The following IGSF21 variants were observed in gnomAD, a reference collection of about 807,000 sequenced individuals.
IGSF21 encodes immunoglobin superfamily member 21, also known as immunoglobulin superfamily member 21.
In IGSF21, 28 loss-of-function variants were observed where a neutral mutation model predicts 46.8. The ratio of observed to expected loss-of-function variants is 0.60; its 90% confidence interval spans 0.44 to 0.82. The LOEUF is 0.82. Among genes scored for constraint, IGSF21 ranks in the 40% least tolerant of loss-of-function variants. The pLI is 0.00. For synonymous variants in IGSF21, 284 were observed against 273.6 expected (o/e 1.04, Z -0.38); for missense variants, 624 against 665.5 (o/e 0.94, Z 0.69).
At chr1:18,287,717 A>C (rs925594356) in intron 2 of IGSF21, among the ~76,000 whole-genome samples, 1 of 152,108 alleles carries the variant, frequency 6.6e-6, no homozygotes, top group Non-Finnish European at 1.5e-5. Flanking sequence ...GTACTCACTC[A>C]GGGCATCCCT....
chr1:18,140,564 C>T (rs2086406722), intron 1 of IGSF21, among the ~76,000 whole-genome samples: 2 of 152,238 alleles, frequency 1.3e-5, no homozygotes, highest in Non-Finnish European at 2.9e-5. Context: ...GGCACTCCCA[C>T]ATCGTGGCTC....
intron 3 of IGSF21, among the ~76,000 whole-genome samples, chr1:18,304,157 G>A (rs2085388880): frequency 6.6e-6 from 1 of 152,184 alleles, no homozygotes; most frequent in South Asian, 2.1e-4. Context: ...GGCCCCTAGG[G>A]CCATAGCCAT....
chr1:18,184,268 A>G (rs1198347237), intron 1 of IGSF21, among the ~76,000 whole-genome samples: 2 of 151,940 alleles, frequency 1.3e-5, no homozygotes, highest in East Asian at 1.9e-4. Context: ...AGATATTCCA[A>G]TTTCCTCTTT....
chr1:18,332,423 C>A (rs1190070181), intron 3 of IGSF21, among the ~76,000 whole-genome samples: 1 of 152,174 alleles, frequency 6.6e-6, no homozygotes, highest in Non-Finnish European at 1.5e-5. Context: ...ATGAGTGTCA[C>A]CAAGTGCAAA....
intron 3 of IGSF21, among the ~76,000 whole-genome samples, chr1:18,319,718 CT>C (rs1354911672): frequency 2.0e-5 from 3 of 152,222 alleles, no homozygotes; most frequent in Non-Finnish European, 4.4e-5. Context: ...TGTTACTTGT[CT>C]CCCCTTTGTC....
intron 2 of IGSF21, among the ~76,000 whole-genome samples, chr1:18,263,667 C>T (rs865911113): frequency 1.3e-5 from 2 of 152,162 alleles, no homozygotes; most frequent in South Asian, 2.1e-4. Flanking sequence ...GGCAGCATCA[C>T]CCAGAGCGGT....
chr1:18,161,580 A>G (rs2086623576), intron 1 of IGSF21, among the ~76,000 whole-genome samples: 2 of 152,142 alleles, frequency 1.3e-5, no homozygotes, highest in South Asian at 2.1e-4. Flanking sequence ...CCCACCGGTG[A>G]CAGGAGAACA....
chr1:18,128,464 G>A (rs1355496118), intron 1 of IGSF21, among the ~76,000 whole-genome samples: 1 of 152,154 alleles, frequency 6.6e-6, no homozygotes, highest in East Asian at 1.9e-4. Flanking sequence ...CCTGGATGGG[G>A]CCTTCTCTGG....
At chr1:18,326,733 C>T (rs7540239) in intron 3 of IGSF21, among the ~76,000 whole-genome samples, 57 of 152,310 alleles carry the variant, frequency 3.7e-4, no homozygotes, top group African/African-American at 1.3e-3. Context: ...CTCCATCTGT[C>T]CCTCCCTTCC....
In IGSF21 at chr1:18,290,209, A is replaced by T. The variant is rs2085252159; in HGVS notation, c.184-1657A>T. ...GTCCTCCTCATCTTCCTCCACTCTC[A>T]TGGTCCCGTTTCAGAAGCTGGGCCT... is the stretch of plus-strand genomic sequence containing the variant. On this transcript the variant is annotated intron_variant, in intron 2 of 9. Transcript: ENST00000251296. This position sits in a 1 kb window ranked among gnomAD's most constrained non-coding sequence, Gnocchi z 4.2. Among the ~76,000 whole-genome samples the T allele has an allele frequency of 1.3e-5, 2 of 152,022 alleles. No homozygotes were observed. The highest frequency in any genetic ancestry group is 4.8e-5 in the African/African-American group (2 of 41,396).
chr1:18,114,220 G>T (rs2086166755), intron 1 of IGSF21: 1 of 152,118 alleles, frequency 6.6e-6, no homozygotes, highest in Non-Finnish European at 1.5e-5. Flanking sequence ...GACTCAAGTT[G>T]TTCCCCGCTA....
intron 3 of IGSF21, among the ~76,000 whole-genome samples, chr1:18,323,412 A>C (rs557353351): frequency 6.6e-6 from 1 of 152,334 alleles, no homozygotes; most frequent in East Asian, 1.9e-4. Flanking sequence ...CCACCCGTCC[A>C]GCACCAAAAG....
At chr1:18,121,123 G>A (rs2086230533) in intron 1 of IGSF21, among the ~76,000 whole-genome samples, 1 of 152,158 alleles carries the variant, frequency 6.6e-6, no homozygotes, top group Non-Finnish European at 1.5e-5. Flanking sequence ...CAAATGGAAG[G>A]CAGGTACTCT....
chr1:18,204,678 G>A (rs1186313556), intron 1 of IGSF21, among the ~76,000 whole-genome samples: 3 of 152,132 alleles, frequency 2.0e-5, no homozygotes, highest in South Asian at 2.1e-4. Flanking sequence ...ATCTCCCTTG[G>A]AGCATGACAG....
rs150371175 is a variant in IGSF21 at position 18,197,030 on chromosome 1, T to G, written c.71-30868T>G. On this transcript the variant is annotated intron_variant, in intron 1 of 9. Transcript: ENST00000251296. ...CCCGGCTGCTGATGGTTATCTGGCT[T>G]CGCTAGAGAGCGAAAGAGACTTTGT... Among the ~76,000 whole-genome samples, 307 of 152,354 alleles carry G rather than the reference T, an allele frequency of 2.0e-3. 2 individuals are homozygous for G. Among genetic ancestry groups the G allele is most frequent in the African/African-American group, 7.1e-3 (296 of 41,576 alleles).
At chr1:18,372,405 A>T (rs1466316211) in intron 6 of IGSF21, among the ~76,000 whole-genome samples, 1 of 152,244 alleles carries the variant, frequency 6.6e-6, no homozygotes, top group Non-Finnish European at 1.5e-5. Flanking sequence ...GATAGAGCAA[A>T]TGAAGAAATG....
chr1:18,132,801 G>T (rs910506178), intron 1 of IGSF21, among the ~76,000 whole-genome samples: 1 of 152,000 alleles, frequency 6.6e-6, no homozygotes, highest in African/African-American at 2.4e-5. Flanking sequence ...GCCCTTAAAA[G>T]GTGTCCTGCC....
At chr1:18,269,150 G>A (rs1241885343) in intron 2 of IGSF21, among the ~76,000 whole-genome samples, 1 of 152,192 alleles carries the variant, frequency 6.6e-6, no homozygotes, top group African/African-American at 2.4e-5. Context: ...TGCAAACAGA[G>A]GGTCACTGGG....
intron 1 of IGSF21, among the ~76,000 whole-genome samples, chr1:18,197,042 G>A (rs910257577): frequency 1.3e-5 from 2 of 152,210 alleles, no homozygotes; most frequent in African/African-American, 2.4e-5. Flanking sequence ...GCTAGAGAGC[G>A]AAAGAGACTT....
Sources: allele counts gnomAD v4.1 joint callset (sites outside exome capture counted in the v4.1 genomes callset), GRCh38; gene constraint gnomAD v4.1.1; non-coding constraint Gnocchi (gnomAD v3.1); transcripts MANE v1.5; gene names NCBI Gene and HGNC (gene_info 2026-07-23, HGNC 2026-07-21).